PIK3C2A: variants seen among roughly 807,000 people sequenced by gnomAD.
PIK3C2A encodes the protein phosphatidylinositol-4-phosphate 3-kinase catalytic subunit type 2 alpha, also known as phosphatidylinositol 4-phosphate 3-kinase C2 domain-containing subunit alpha.
A neutral mutation model predicts 204.5 loss-of-function variants in PIK3C2A; 97 were observed. That is an observed-to-expected ratio of 0.47 (90% CI 0.40 to 0.56). The LOEUF (loss-of-function observed/expected upper bound fraction) is 0.56. Ranked by LOEUF, PIK3C2A falls within the 20% of genes least tolerant of loss-of-function variation. The probability of loss-of-function intolerance (pLI) is 0.00; values close to 1 mark genes in which losing one functional copy is unlikely to be tolerated. For missense variants in PIK3C2A, 1,735 were observed against 1,969.2 expected (o/e 0.88, Z 2.25); for synonymous variants, 653 against 664.4 (o/e 0.98, Z 0.26).
chr11:17,158,207 G>A (rs1343831304), intron 2 of PIK3C2A, among the ~76,000 whole-genome samples: 1 of 151,834 alleles, frequency 6.6e-6, no homozygotes, highest in Non-Finnish European at 1.5e-5. Flanking sequence ...AATTAGCCGG[G>A]CGTGGTGGTG....
intron 12 of PIK3C2A, among the ~76,000 whole-genome samples, chr11:17,130,901 T>C (rs999197748): frequency 3.3e-5 from 5 of 151,868 alleles, no homozygotes; most frequent in African/African-American, 9.7e-5. Flanking sequence ...ATAATGTTTT[T>C]TTCGGCTAGA....
intron 19 of PIK3C2A, among the ~76,000 whole-genome samples, chr11:17,116,533 A>C (rs1849196714): frequency 6.6e-6 from 1 of 152,186 alleles, no homozygotes; most frequent in African/African-American, 2.4e-5. Flanking sequence ...TAGCTCTGCC[A>C]TTCCTAAGTG....
chr11:17,176,076 T>C (rs1026197931), intron 1 of PIK3C2A, among the ~76,000 whole-genome samples: 3 of 151,670 alleles, frequency 2.0e-5, no homozygotes, highest in Non-Finnish European at 2.9e-5. Context: ...CGATCTCGGT[T>C]CACCACAACC....
intron 1 of PIK3C2A, among the ~76,000 whole-genome samples, chr11:17,199,786 G>T (rs1206391595): frequency 6.6e-6 from 1 of 151,766 alleles, no homozygotes; most frequent in South Asian, 2.1e-4. Context: ...TTAGCTGGGC[G>T]TGGTGGTACA....
chr11:17,119,539 C>A (rs1189704289), intron 16 of PIK3C2A, among the ~76,000 whole-genome samples: 1 of 152,050 alleles, frequency 6.6e-6, no homozygotes, highest in Admixed American at 6.6e-5. Flanking sequence ...TTAATTCTGG[C>A]CCACATCATA....
rs1341357628 is a variant in PIK3C2A, at chr11:17,087,802, T to A, written c.*1936A>T. Reference sequence around the variant, plus strand: ...GAAAAAGCAAATGGTGGTGCTTTGATCTGCATTTTAATTAACATTAAATAG... The same window carrying A: ...GAAAAAGCAAATGGTGGTGCTTTGAACTGCATTTTAATTAACATTAAATAG... On this transcript the variant is annotated 3_prime_UTR_variant, in exon 33 of 33. Transcript: ENST00000691414. 4 of 131,890 alleles carry A rather than the reference T, an allele frequency of 3.0e-5. No individual in the cohort carries two copies. The highest frequency in any genetic ancestry group is 6.4e-5 in the Non-Finnish European group (4 of 62,542). The allele number at this position is 131,890 out of a possible 1,614,324, so 8.2% of individuals were successfully genotyped here. A position where few individuals can be genotyped will look rare whatever the true frequency, so the allele number is the denominator to read the frequency against.
chr11:17,129,947 T>G (rs1849643755), intron 12 of PIK3C2A, among the ~76,000 whole-genome samples: 1 of 152,220 alleles, frequency 6.6e-6, no homozygotes, highest in Non-Finnish European at 1.5e-5. Context: ...ACTTGTCCTA[T>G]TAACAATTTT....
At chr11:17,164,614 A>G (rs1337432238) in intron 2 of PIK3C2A, among the ~76,000 whole-genome samples, 1 of 152,214 alleles carries the variant, frequency 6.6e-6, no homozygotes, top group Non-Finnish European at 1.5e-5. Context: ...CCCCTGATCA[A>G]GTCATATTAT....
intron 8 of PIK3C2A, chr11:17,137,957 C>T: frequency 2.0e-6 from 1 of 493,750 alleles, no homozygotes; most frequent in African/African-American, 2.0e-5. Context: ...ATTTTTATTA[C>T]TCAAAAAAGC....
At chr11:17,191,452 C>T (rs1591017895) in intron 1 of PIK3C2A, among the ~76,000 whole-genome samples, 1 of 152,138 alleles carries the variant, frequency 6.6e-6, no homozygotes, top group Non-Finnish European at 1.5e-5. Flanking sequence ...TGAGCTTCCC[C>T]GGATGGCAAC....
At chr11:17,118,878 G>A in intron 17 of PIK3C2A, 139 bp from the exon 18 acceptor site, 2 of 546,254 alleles carry the variant, frequency 3.7e-6, no homozygotes, top group South Asian at 5.6e-5. Context: ...TTAAATAGAT[G>A]AATTAACCTA....
At chr11:17,099,666 T>A (rs1259004584) in intron 26 of PIK3C2A, among the ~76,000 whole-genome samples, 194 bp downstream of exon 26, 3 of 152,228 alleles carry the variant, frequency 2.0e-5, no homozygotes, top group South Asian at 4.1e-4. Flanking sequence ...AAGTATATTT[T>A]AAAAAATATT....
intron 2 of PIK3C2A, among the ~76,000 whole-genome samples, chr11:17,156,332 G>A (rs1850588451): frequency 6.6e-6 from 1 of 152,192 alleles, no homozygotes; most frequent in Non-Finnish European, 1.5e-5. Flanking sequence ...AGAACAAAGT[G>A]CGTATATTTC....
chr11:17,181,514 C>T (rs775687352), intron 1 of PIK3C2A, among the ~76,000 whole-genome samples: 4 of 151,110 alleles, frequency 2.6e-5, no homozygotes, highest in Non-Finnish European at 5.9e-5. Context: ...TGCCCGTAGT[C>T]CCAGCTACTT....
intron 3 of PIK3C2A, among the ~76,000 whole-genome samples, chr11:17,152,776 C>T (rs1419234080): frequency 6.6e-6 from 1 of 151,922 alleles, no homozygotes; most frequent in African/African-American, 2.4e-5. Flanking sequence ...TGTGCTCAAT[C>T]AGACTAAAAT....
rs1184062618 is a variant in PIK3C2A, at chr11:17,091,415, G to A, written c.4797C>T (p.Tyr1599=). Residue 1599 remains tyrosine (Y), a synonymous_variant, in exon 32 of 33, where the codon TAC becomes TAT. Coordinates refer to ENST00000691414, the MANE Select transcript of PIK3C2A (RefSeq NM_002645.4). The part of the protein sequence containing the change: ...GADPNPYVKT[Y]LLPDNHKTSK... ...ATGTTTTGTGGTTATCTGGAAGTAG[G>A]TATGTTTTGACATATGGATTTGGGT... The A allele has an allele frequency of 1.9e-6, 3 of 1,613,748 alleles. No individual in the cohort carries two copies. Among genetic ancestry groups the A allele is most frequent in the Non-Finnish European group, 2.5e-6 (3 of 1,179,726 alleles).
At chr11:17,129,539 C>T (rs2137372829) in intron 12 of PIK3C2A, 72 bp from the exon 13 acceptor site, 1 of 904,004 alleles carries the variant, frequency 1.1e-6, no homozygotes. Flanking sequence ...TTTAATGAGA[C>T]TGACAATTTT....
chr11:17,166,600 T>C (rs1850957890), intron 2 of PIK3C2A, among the ~76,000 whole-genome samples: 1 of 152,246 alleles, frequency 6.6e-6, no homozygotes, highest in Non-Finnish European at 1.5e-5. Flanking sequence ...GTAGCTACAA[T>C]GCATTCATTG....
intron 28 of PIK3C2A, 58 bp from the exon 29 acceptor site, chr11:17,092,334 A>G: frequency 1.2e-6 from 1 of 813,828 alleles, no homozygotes; most frequent in Non-Finnish European, 2.1e-6. Flanking sequence ...TTCCTTAGAA[A>G]TACACTTTTT....
Sources: allele counts gnomAD v4.1 joint callset (sites outside exome capture counted in the v4.1 genomes callset), GRCh38; gene constraint gnomAD v4.1.1; transcripts MANE v1.5; gene names NCBI Gene and HGNC (gene_info 2026-07-23, HGNC 2026-07-21).